Variants in UNC13C observed in about 807,000 individuals in gnomAD.
The protein encoded by UNC13C is unc-13 homolog C, also known as protein unc-13 homolog C.
In UNC13C, 174 loss-of-function variants were observed where a neutral mutation model predicts 245.4. The ratio of observed to expected loss-of-function variants is 0.71; its 90% confidence interval spans 0.63 to 0.80. UNC13C has a LOEUF of 0.80. Ranked by LOEUF, UNC13C falls within the 30% of genes least tolerant of loss-of-function variation. The probability of loss-of-function intolerance (pLI) is 0.00; values close to 1 mark genes in which losing one functional copy is unlikely to be tolerated. For synonymous variants in UNC13C, 992 were observed against 895.1 expected (o/e 1.11, Z -1.93); for missense variants, 2,829 against 2,602.9 (o/e 1.09, Z -1.89).
intron 17 of UNC13C, among the ~76,000 whole-genome samples, chr15:54,365,668 A>G (rs537968040): frequency 8.5e-5 from 13 of 152,126 alleles, no homozygotes; most frequent in African/African-American, 2.9e-4. Context: ...CTCAGGATTT[A>G]TGATGAAAGA....
chr15:53,894,060 C>T, the UNC13C span, among the ~76,000 whole-genome samples: 11,195 of 152,234 alleles, frequency 0.074, 498 homozygotes, highest in South Asian at 0.19. Flanking sequence ...GTTCCTCAGG[C>T]TCCTTCCCCC....
intron 10 of UNC13C, among the ~76,000 whole-genome samples, chr15:54,284,486 C>T (rs558417795): frequency 6.6e-6 from 1 of 152,256 alleles, no homozygotes; most frequent in Non-Finnish European, 1.5e-5. Flanking sequence ...TTTTGAAAGA[C>T]AGGTAAGTGT....
chr15:54,054,700 C>A (rs1467417164), intron 2 of UNC13C, among the ~76,000 whole-genome samples: 3 of 152,134 alleles, frequency 2.0e-5, no homozygotes, highest in African/African-American at 7.2e-5. Flanking sequence ...ACTATAAAGG[C>A]ATATCACAGT....
chr15:54,126,817 A>G (rs1050892957), intron 2 of UNC13C, among the ~76,000 whole-genome samples: 2 of 152,210 alleles, frequency 1.3e-5, no homozygotes, highest in Non-Finnish European at 2.9e-5. Flanking sequence ...CCATCTGACA[A>G]AGGGCTAATA....
chr15:54,511,356 TA>T, intron 23 of UNC13C, among the ~76,000 whole-genome samples: 1 of 150,410 alleles, frequency 6.6e-6, no homozygotes, highest in East Asian at 1.9e-4. Context: ...TTTTTGCATT[TA>T]AAAAATCACA....
At chr15:53,920,028 T>C in the UNC13C span, among the ~76,000 whole-genome samples, 1 of 152,188 alleles carries the variant, frequency 6.6e-6, no homozygotes, top group Admixed American at 6.5e-5. Context: ...GACAGCTATA[T>C]AATTTGGTCT....
intron 19 of UNC13C, among the ~76,000 whole-genome samples, chr15:54,476,666 A>AT (rs1166143891): frequency 6.6e-6 from 1 of 151,438 alleles, no homozygotes; most frequent in African/African-American, 2.4e-5. Context: ...CCATTGATCT[A>AT]TATCTCTGTT....
intron 13 of UNC13C, chr15:54,321,223 T>C (rs1340308419): frequency 8.2e-6 from 4 of 488,880 alleles, no homozygotes; most frequent in Non-Finnish European, 1.6e-5. Context: ...GCCATGGTCA[T>C]CAAAGGTTAC....
intron 19 of UNC13C, among the ~76,000 whole-genome samples, chr15:54,445,268 A>G (rs1208267216): frequency 6.6e-6 from 1 of 152,136 alleles, no homozygotes; most frequent in South Asian, 2.1e-4. Context: ...TAGTGCCGCA[A>G]TAAACATACA....
At chr15:53,879,678 T>C in the UNC13C span, among the ~76,000 whole-genome samples, 1 of 152,046 alleles carries the variant, frequency 6.6e-6, no homozygotes, top group Non-Finnish European at 1.5e-5. Flanking sequence ...AACCTCCACC[T>C]CCCAGGTTCA....
At chr15:53,852,018 A>G in the UNC13C span, among the ~76,000 whole-genome samples, 3 of 152,198 alleles carry the variant, frequency 2.0e-5, no homozygotes, top group Non-Finnish European at 2.9e-5. Context: ...AATGGGATCC[A>G]AAGAGGGAGC....
chr15:54,236,548 C>T (rs1174797537), intron 6 of UNC13C, 113 bp downstream of exon 6: 3 of 818,822 alleles, frequency 3.7e-6, no homozygotes, highest in African/African-American at 1.7e-5. Context: ...GACAGACATA[C>T]AAGAATAAGA....
intron 2 of UNC13C, chr15:54,049,500 G>T: frequency 3.1e-6 from 1 of 320,208 alleles, no homozygotes; most frequent in Admixed American, 4.6e-5. Flanking sequence ...ATACTTTAGT[G>T]GCCATGATGG....
At chr15:54,518,483 C>T (rs774831911) in intron 24 of UNC13C, among the ~76,000 whole-genome samples, 10 of 152,300 alleles carry the variant, frequency 6.6e-5, no homozygotes, top group African/African-American at 1.7e-4. Context: ...GAGAGGGAGA[C>T]GGCTTCACTT....
intron 17 of UNC13C, among the ~76,000 whole-genome samples, chr15:54,343,276 G>C (rs2141012636): frequency 2.0e-5 from 3 of 152,108 alleles, no homozygotes; most frequent in Middle Eastern, 6.8e-3. Context: ...TGGGATTACA[G>C]AGGCCCACCA....
chr15:53,946,566 C>T, the UNC13C span, among the ~76,000 whole-genome samples: 3,127 of 146,974 alleles, frequency 0.021, 140 homozygotes, highest in African/African-American at 0.074. Context: ...ACTAAAAATA[C>T]AAAAATTAGC....
chr15:54,622,235 T>G, intron 30 of UNC13C, 92 bp from the exon 31 acceptor site: 1 of 858,400 alleles, frequency 1.2e-6, no homozygotes, highest in Non-Finnish European at 2.0e-6. Flanking sequence ...TCATTTCCAA[T>G]AATACATTTT....
At chr15:54,526,366 C>A (rs1458500633) in intron 25 of UNC13C, among the ~76,000 whole-genome samples, 1 of 151,992 alleles carries the variant, frequency 6.6e-6, no homozygotes, top group Non-Finnish European at 1.5e-5. Flanking sequence ...ATAGAATTTG[C>A]TTTAAATATT....
chr15:54,275,509 C>T (rs917295737), intron 10 of UNC13C, among the ~76,000 whole-genome samples: 1 of 151,882 alleles, frequency 6.6e-6, no homozygotes, highest in African/African-American at 2.4e-5. Flanking sequence ...ATTTATATCT[C>T]ATTATTTTGT....
Sources: allele counts gnomAD v4.1 joint callset (sites outside exome capture counted in the v4.1 genomes callset), GRCh38; gene constraint gnomAD v4.1.1; transcripts MANE v1.5; gene names NCBI Gene and HGNC (gene_info 2026-07-23, HGNC 2026-07-21).